ARMC1: variants seen among roughly 807,000 people sequenced by gnomAD.
The protein encoded by ARMC1 is armadillo repeat containing 1, also known as armadillo repeat-containing protein 1.
ARMC1 carries 16 observed loss-of-function variants against 31.4 expected under a neutral mutation model. The ratio of observed to expected loss-of-function variants is 0.51; its 90% CI spans 0.34 to 0.77. The LOEUF is 0.77. Among genes scored for constraint, ARMC1 ranks in the 30% least tolerant of loss-of-function variants. The pLI, the probability that ARMC1 is intolerant of heterozygous loss-of-function variation, is 0.01. For synonymous variants in ARMC1, 114 were observed against 118.9 expected (o/e 0.96, Z 0.27); for missense variants, 259 against 347.5 (o/e 0.75, Z 2.02).
intron 4 of ARMC1, among the ~76,000 whole-genome samples, chr8:65,610,764 T>G (rs1808120876): frequency 6.6e-6 from 1 of 152,080 alleles, no homozygotes; most frequent in Non-Finnish European, 1.5e-5. Context: ...GGGCTTGAAG[T>G]TTTATTTATG....
rs1426233361 is a variant in ARMC1, at chr8:65,604,487, G to A, written c.756C>T (p.Asp252=). The A allele has an allele frequency of 1.2e-6, 2 of 1,614,156 alleles. No individual in the cohort carries two copies. The highest frequency in any genetic ancestry group is 1.7e-6 in the Non-Finnish European group (2 of 1,180,026). ...PEDESPTKEQ[D]KAVSRVGSHP... is the part of the protein sequence containing the mutation. ...GTGAGCCGACCCGGGACACCGCTTT[G>A]TCCTGTTCCTTTGTGGGACTCTCAT... The change falls in exon 7 of 7, where the codon GAC becomes GAT. Residue 252 remains aspartate, a synonymous_variant. Transcript: ENST00000276569.
rs1001136056 is a variant in ARMC1, at chr8:65,634,174, C to T, written c.-212G>A. ...GAGCGAAGGCGCTGGCGGGCAAAGGCTCTGCAGACTCTTCCCAGGTGACCT... is the reference window on the plus strand; with the variant it reads ...GAGCGAAGGCGCTGGCGGGCAAAGGTTCTGCAGACTCTTCCCAGGTGACCT... On this transcript the variant is annotated 5_prime_UTR_variant, in exon 1 of 7. Coordinates refer to ENST00000276569, the MANE Select transcript of ARMC1 (RefSeq NM_018120.6). The T allele has an allele frequency of 6.6e-6, 1 of 152,300 alleles. No homozygotes were observed. The highest frequency in any genetic ancestry group is 1.5e-5 in the Non-Finnish European group (1 of 68,088). The allele number at this position is 152,300 out of a possible 1,614,324, so 9.4% of individuals were successfully genotyped here. A position where few individuals can be genotyped will look rare whatever the true frequency, so the allele number is the denominator to read the frequency against.
intron 3 of ARMC1, among the ~76,000 whole-genome samples, chr8:65,615,117 G>A (rs1472334503): frequency 1.3e-5 from 2 of 151,894 alleles, no homozygotes; most frequent in South Asian, 2.1e-4. Flanking sequence ...TTAATTCCAG[G>A]GGTGATAATC....
intron 2 of ARMC1, among the ~76,000 whole-genome samples, chr8:65,626,644 T>A (rs1282680939): frequency 6.6e-6 from 1 of 152,138 alleles, no homozygotes; most frequent in African/African-American, 2.4e-5. Context: ...CTGTGTATGA[T>A]ATGATCCAAT....
At chr8:65,624,531 T>A (rs1808472987) in intron 2 of ARMC1, among the ~76,000 whole-genome samples, 1 of 149,886 alleles carries the variant, frequency 6.7e-6, no homozygotes, top group Admixed American at 6.7e-5. Flanking sequence ...AAATTTTTAA[T>A]CTCTTTAAAA....
intron 3 of ARMC1, among the ~76,000 whole-genome samples, chr8:65,614,961 G>C (rs1322961727): frequency 6.6e-6 from 1 of 152,066 alleles, no homozygotes; most frequent in Non-Finnish European, 1.5e-5. Flanking sequence ...TCTTTTATAA[G>C]TATATGAACT....
intron 2 of ARMC1, among the ~76,000 whole-genome samples, chr8:65,626,531 C>G (rs1255030639): frequency 6.6e-6 from 1 of 151,434 alleles, no homozygotes; most frequent in Non-Finnish European, 1.5e-5. Context: ...ACTAAAATCA[C>G]TTAATTGTAT....
At position 65,622,566 on chromosome 8, in the gene ARMC1, C is replaced by T. The variant is rs552236605; in HGVS notation, c.184-212G>A. ...GATCTACTCTTCGAAATGAAGGTTCCTAACTTAGTCACAAGGTCAAAATTA... is the reference window on the plus strand; with the variant it reads ...GATCTACTCTTCGAAATGAAGGTTCTTAACTTAGTCACAAGGTCAAAATTA... On this transcript the variant is annotated intron_variant, in intron 2 of 6. Transcript: ENST00000276569. Among the ~76,000 whole-genome samples, 7 of 152,274 alleles carry T rather than the reference C, an allele frequency of 4.6e-5. No homozygotes were observed. In the South Asian group the frequency reaches 1.4e-3, roughly 32 times the overall value.
chr8:65,620,798 T>TAAAAAAAAAA (rs776508929), intron 3 of ARMC1, among the ~76,000 whole-genome samples: 5 of 46,480 alleles, frequency 1.1e-4, no homozygotes, highest in Admixed American at 1.9e-4. Context: ...TTAGTTCCAT[T>TAAAAAAAAAA]TAAAAAAAAA....
chr8:65,616,763 G>A (rs1808272690), intron 3 of ARMC1, among the ~76,000 whole-genome samples: 2 of 150,878 alleles, frequency 1.3e-5, no homozygotes, highest in Admixed American at 6.6e-5. Context: ...TGGGATGTGA[G>A]GAGCGCCTCT....
At chr8:65,618,521 C>CAAAAAAAAAA (rs34079304) in intron 3 of ARMC1, among the ~76,000 whole-genome samples, 1 of 98,704 alleles carries the variant, frequency 1.0e-5, no homozygotes, top group Non-Finnish European at 2.0e-5. Context: ...GACTCAGTCT[C>CAAAAAAAAAA]AAAAAAAAAA....
chr8:65,610,309 G>A (rs10094576), intron 4 of ARMC1, among the ~76,000 whole-genome samples: 151,914 of 151,916 alleles, frequency 1, 75,956 homozygotes, highest in Middle Eastern at 1. Context: ...ACGTTGGCCA[G>A]GCTGGTCTTG....
chr8:65,617,314 C>T lies in ARMC1; in HGVS notation c.276-3881G>A, dbSNP rs1808292170. Among the ~76,000 whole-genome samples, 5 of 152,304 alleles carry T rather than the reference C, an allele frequency of 3.3e-5. No homozygotes were observed. The East Asian group carries it at 5.8e-4, about 18-fold the overall frequency. The stretch of plus-strand genomic sequence containing the variant: ...GCCTTGGGATGCTGTTGATCTATGA[C>T]CTTACCCCCAACCTGGTGCTCTCTG... On this transcript the variant is annotated intron_variant, in intron 3 of 6. Coordinates refer to ENST00000276569, the MANE Select transcript of ARMC1 (RefSeq NM_018120.6).
Position 65,627,382 on chromosome 8 carries a change from G to A in ARMC1, c.17C>T (p.Ser6Phe). MNSST[S>F]TMSEEPDALS... ...AGCGTCAGGCTCTTCACTCATGGTG[G>A]AAGTGGAAGAATTCATCTTCTATGC... The change falls in exon 2 of 7, where the codon TCC becomes TTC. Residue 6 changes from serine to phenylalanine, a missense_variant. By Grantham distance (155) the Ser-to-Phe change is radical. Coordinates refer to ENST00000276569, the MANE Select transcript of ARMC1 (RefSeq NM_018120.6). 6.3e-7 allele frequency: 1 copy of A among 1,578,974 alleles called. No individual in the cohort carries two copies. The highest frequency in any genetic ancestry group is 8.6e-7 in the Non-Finnish European group (1 of 1,161,888).
rs1422708856 is a variant in ARMC1 at position 65,622,251 on chromosome 8, T to C, written c.275+12A>G. On this transcript the variant is annotated intron_variant, in intron 3 of 6. Coordinates refer to ENST00000276569, the MANE Select transcript of ARMC1 (RefSeq NM_018120.6). Reference sequence around the variant, plus strand: ...GTATATAAATAAATGAGACACTGTCTATTGTACTTACTTCTGTATAACATT... The same window carrying C: ...GTATATAAATAAATGAGACACTGTCCATTGTACTTACTTCTGTATAACATT... 1.8e-5 allele frequency: 28 copies of C among 1,588,524 alleles called. No homozygotes were observed. Among genetic ancestry groups the C allele is most frequent in the Non-Finnish European group, 2.3e-5 (27 of 1,157,470 alleles).
At chr8:65,613,011 T>G (rs1808175661) in intron 4 of ARMC1, among the ~76,000 whole-genome samples, 2 of 152,380 alleles carry the variant, frequency 1.3e-5, no homozygotes, top group South Asian at 4.1e-4. Context: ...TGGATTTTTC[T>G]ATTTCTCCCC....
chr8:65,629,707 G>A (rs1209265432), intron 1 of ARMC1, among the ~76,000 whole-genome samples: 4 of 150,244 alleles, frequency 2.7e-5, no homozygotes, highest in African/African-American at 9.8e-5. Context: ...GCTGAGGCAG[G>A]AGAATCGCTT....
intron 1 of ARMC1, among the ~76,000 whole-genome samples, chr8:65,629,526 C>T (rs772096628): frequency 2.0e-5 from 3 of 151,948 alleles, no homozygotes; most frequent in Non-Finnish European, 4.4e-5. Flanking sequence ...TCCAGATGGG[C>T]GCGGTGGCTC....
intron 1 of ARMC1, among the ~76,000 whole-genome samples, chr8:65,631,431 G>A (rs190281248): frequency 1.3e-5 from 2 of 152,192 alleles, no homozygotes; most frequent in South Asian, 2.1e-4. Context: ...ACGGGGTTTC[G>A]CCGTGTTGGC....
Sources: gnomAD v4.1 joint callset for allele counts (sites outside exome capture counted in the v4.1 genomes callset) on GRCh38, gnomAD v4.1.1 for gene constraint, MANE v1.5 for transcripts, NCBI Gene and HGNC (gene_info 2026-07-23, HGNC 2026-07-21) for gene names.